The following SGCG variants were observed in gnomAD, a reference collection of about 807,000 sequenced individuals.
SGCG encodes gamma-sarcoglycan.
SGCG carries 26 observed loss-of-function variants against 29.3 expected under a neutral mutation model. The ratio of observed to expected loss-of-function variants is 0.89; its 90% confidence interval spans 0.65 to 1.23. The LOEUF is 1.23. SGCG is among the 50% of genes most tolerant of loss of function. The pLI, the probability that SGCG is intolerant of heterozygous loss-of-function variation, is 0.00. For missense variants in SGCG, 353 were observed against 356.0 expected (o/e 0.99, Z 0.07); for synonymous variants, 145 against 129.7 (o/e 1.12, Z -0.80).
At chr13:23,315,378 A>G (rs1490312728) in intron 6 of SGCG, among the ~76,000 whole-genome samples, 2 of 152,190 alleles carry the variant, frequency 1.3e-5, no homozygotes, top group Admixed American at 1.3e-4. Flanking sequence ...ATCGTGCTCG[A>G]GCAGGTCCTG....
chr13:23,297,135 G>A (rs569346838), intron 6 of SGCG, among the ~76,000 whole-genome samples: 3 of 152,056 alleles, frequency 2.0e-5, no homozygotes, highest in African/African-American at 7.2e-5. Flanking sequence ...ATTACTGATA[G>A]TAATCCTTAC....
intron 3 of SGCG, among the ~76,000 whole-genome samples, chr13:23,239,388 A>G (rs1435793123): frequency 6.6e-6 from 1 of 152,180 alleles, no homozygotes; most frequent in African/African-American, 2.4e-5. Flanking sequence ...GTATCTTTAA[A>G]AGACAAAGTC....
chr13:23,297,235 T>TTA (rs5802227), intron 6 of SGCG, among the ~76,000 whole-genome samples: 52,708 of 151,426 alleles, frequency 0.35, 9,344 homozygotes, highest in East Asian at 0.51. Context: ...CTTTTATTTT[T>TTA]TTTTTTTTTG....
chr13:23,192,703 T>G (rs1313043834), intron 1 of SGCG, among the ~76,000 whole-genome samples: 1 of 152,130 alleles, frequency 6.6e-6, no homozygotes, highest in Non-Finnish European at 1.5e-5. Flanking sequence ...GCTGGTAGGG[T>G]CTTTATTAAA....
At chr13:23,233,071 C>T (rs1879170487) in intron 2 of SGCG, among the ~76,000 whole-genome samples, 2 of 152,010 alleles carry the variant, frequency 1.3e-5, no homozygotes, top group Non-Finnish European at 1.5e-5. Context: ...TGGCTCTATA[C>T]CGAAAGAATT....
At chr13:23,219,708 T>A (rs923653853) in intron 2 of SGCG, among the ~76,000 whole-genome samples, 1 of 151,236 alleles carries the variant, frequency 6.6e-6, no homozygotes, top group African/African-American at 2.4e-5. Context: ...ATACATGATG[T>A]ATCACCATAT....
chr13:23,263,293 G>GACAGTGCAACTGACATC (rs1880517414), intron 4 of SGCG, among the ~76,000 whole-genome samples: 2 of 152,052 alleles, frequency 1.3e-5, no homozygotes, highest in African/African-American at 4.8e-5. Flanking sequence ...TGAAAATGGA[G>GACAGTGCAACTGACATC]ACAGTGCAAC....
intron 4 of SGCG, among the ~76,000 whole-genome samples, chr13:23,263,126 C>A (rs1017716585): frequency 6.6e-6 from 1 of 150,428 alleles, no homozygotes; most frequent in African/African-American, 2.4e-5. Flanking sequence ...CCCAAAGCTA[C>A]CATAGGAAAA....
chr13:23,207,465 G>A (rs1471699680), intron 2 of SGCG, among the ~76,000 whole-genome samples: 1 of 151,878 alleles, frequency 6.6e-6, no homozygotes, highest in Non-Finnish European at 1.5e-5. Context: ...TAGACAAATG[G>A]GACTACATTA....
At chr13:23,195,731 A>G (rs1877474892) in intron 1 of SGCG, among the ~76,000 whole-genome samples, 1 of 152,036 alleles carries the variant, frequency 6.6e-6, no homozygotes, top group Non-Finnish European at 1.5e-5. Flanking sequence ...TATGCTGATT[A>G]TAACTTTGGA....
chr13:23,322,982 CT>C (rs1335994618), intron 7 of SGCG, among the ~76,000 whole-genome samples: 7 of 152,094 alleles, frequency 4.6e-5, no homozygotes, highest in Admixed American at 4.6e-4. Context: ...TGAGACACTA[CT>C]GTAGGAATAT....
intron 2 of SGCG, among the ~76,000 whole-genome samples, chr13:23,211,058 T>C (rs1456886250): frequency 1.3e-5 from 2 of 152,158 alleles, no homozygotes; most frequent in Admixed American, 6.5e-5. Flanking sequence ...GTATTACTGA[T>C]AAAAAGCTGA....
chr13:23,187,916 A>G (rs555132823), intron 1 of SGCG, among the ~76,000 whole-genome samples: 7 of 152,166 alleles, frequency 4.6e-5, no homozygotes, highest in Non-Finnish European at 8.8e-5. Flanking sequence ...CCTGATTCCA[A>G]ACTCCTGGAG....
intron 4 of SGCG, among the ~76,000 whole-genome samples, chr13:23,273,620 A>T (rs2137607326): frequency 6.6e-6 from 1 of 152,310 alleles, no homozygotes; most frequent in Non-Finnish European, 1.5e-5. Context: ...TTCTGTTTGT[A>T]TTTCACCCAA....
the SGCG span, among the ~76,000 whole-genome samples, chr13:23,171,422 G>T: frequency 6.6e-6 from 1 of 152,144 alleles, no homozygotes. Flanking sequence ...CAAAGCCTGA[G>T]ATTTTTGTTA....
chr13:23,314,105 C>G (rs1882703253), intron 6 of SGCG, among the ~76,000 whole-genome samples: 1 of 151,294 alleles, frequency 6.6e-6, no homozygotes, highest in Admixed American at 6.6e-5. Flanking sequence ...TAATAAACTC[C>G]CCTTTATATA....
At chr13:23,314,317 G>C (rs188072765) in intron 6 of SGCG, among the ~76,000 whole-genome samples, 17 of 139,182 alleles carry the variant, frequency 1.2e-4, no homozygotes, top group Admixed American at 9.6e-4. Context: ...ATGGACATCT[G>C]TGTTTACTTC....
At chr13:23,308,099 T>G (rs1882424722) in intron 6 of SGCG, among the ~76,000 whole-genome samples, 1 of 152,252 alleles carries the variant, frequency 6.6e-6, no homozygotes, top group Admixed American at 6.5e-5. Context: ...GACACTGATC[T>G]TTCTCTGGAG....
At chr13:23,179,914 A>G (rs1418003206), upstream of SGCG, among the ~76,000 whole-genome samples, 2 of 152,166 alleles carry the variant, frequency 1.3e-5, no homozygotes, top group African/African-American at 4.8e-5. Flanking sequence ...GTACATGTGC[A>G]GGTTTGTTAC....
Sources: allele counts gnomAD v4.1 joint callset (sites outside exome capture counted in the v4.1 genomes callset), GRCh38; gene constraint gnomAD v4.1.1; transcripts MANE v1.5; gene names NCBI Gene and HGNC (gene_info 2026-07-23, HGNC 2026-07-21).